Variants in RBX1 observed in about 807,000 individuals in gnomAD.
RBX1 encodes ring-box 1.
For synonymous variants in RBX1, 48 were observed against 47.9 expected (o/e 1.00, Z -0.01); for missense variants, 46 against 141.4 (o/e 0.33, Z 3.42).
intron 3 of RBX1, among the ~76,000 whole-genome samples, chr22:40,964,637 A>G (rs2058349245): frequency 6.6e-6 from 1 of 152,232 alleles, no homozygotes; most frequent in Admixed American, 6.5e-5. Context: ...AGAGTGTGAC[A>G]GCTGTGAAGG....
intron 4 of RBX1, 34 bp from the exon 5 acceptor site, chr22:40,972,442 G>A: frequency 1.3e-6 from 2 of 1,577,038 alleles, no homozygotes; most frequent in Non-Finnish European, 1.7e-6. Flanking sequence ...AAATTATCTT[G>A]GAATTAATCA....
At chr22:40,961,506 C>T (rs1335600584) in intron 2 of RBX1, among the ~76,000 whole-genome samples, 6 of 150,138 alleles carry the variant, frequency 4.0e-5, no homozygotes, top group East Asian at 2.0e-4. Context: ...CTCCGCCTCC[C>T]GGGTTCACAC....
intron 3 of RBX1, chr22:40,967,451 G>A: frequency 5.8e-6 from 1 of 171,982 alleles, no homozygotes; most frequent in Non-Finnish European, 1.3e-5. Flanking sequence ...ATTGATGAGG[G>A]GCCTCCTTTC....
rs756774693 is a variant in RBX1 at position 40,951,446 on chromosome 22, C to A, written c.48C>A (p.Gly16=). Residue 16 remains glycine (G), a synonymous_variant, in exon 1 of 5, where the codon GGC becomes GGA. Coordinates refer to ENST00000216225, the MANE Select transcript of RBX1 (RefSeq NM_014248.4). ...DVDTPSGTNS[G]AGKKRFEVKK... is the part of the protein sequence containing the mutation. The stretch of plus-strand genomic sequence containing the variant: ...ATACCCCGAGCGGCACCAACAGCGG[C>A]GCGGGCAAGAAGCGCTTTGAAGTGA... 1 of 1,613,526 alleles carries A rather than the reference C, an allele frequency of 6.2e-7. No individual in the cohort carries two copies. The highest frequency in any genetic ancestry group is 1.3e-5 in the African/African-American group (1 of 74,950).
chr22:40,955,626 T>C (rs1331162519), intron 2 of RBX1, among the ~76,000 whole-genome samples: 2 of 152,250 alleles, frequency 1.3e-5, no homozygotes, highest in African/African-American at 4.8e-5. Flanking sequence ...AAGTGCTCAG[T>C]AGTCACATGT....
intron 2 of RBX1, among the ~76,000 whole-genome samples, chr22:40,955,779 T>C (rs1436285292): frequency 6.6e-6 from 1 of 152,220 alleles, no homozygotes; most frequent in African/African-American, 2.4e-5. Context: ...CTTATACTGG[T>C]CATGTATTGC....
intron 2 of RBX1, among the ~76,000 whole-genome samples, chr22:40,960,065 G>A (rs1292121421): frequency 1.3e-5 from 2 of 152,020 alleles, no homozygotes; most frequent in East Asian, 1.9e-4. Context: ...TTGCAGTGTG[G>A]AGATTGTGCC....
chr22:40,967,858 G>A lies in RBX1; in HGVS notation c.288G>A (p.Leu96=), dbSNP rs1396037011. 2 of 1,613,476 alleles carry A rather than the reference G, an allele frequency of 1.2e-6. No individual in the cohort carries two copies. The highest frequency in any genetic ancestry group is 8.5e-7 in the Non-Finnish European group (1 of 1,179,614). ...RWLKTRQVCP[L]DNREWEFQKY... ...TCAAAACACGACAGGTGTGTCCATT[G>A]GACAACAGAGAGTGGGAATTCCAAA... is the stretch of plus-strand genomic sequence containing the variant. The change falls in exon 4 of 5, where the codon TTG becomes TTA. Residue 96 remains leucine (L), a synonymous_variant. Transcript: ENST00000216225.
At chr22:40,956,794 G>A (rs946631054) in intron 2 of RBX1, among the ~76,000 whole-genome samples, 1 of 151,904 alleles carries the variant, frequency 6.6e-6, no homozygotes, top group African/African-American at 2.4e-5. Context: ...CCAGCACTTT[G>A]GGAGGCCAAG....
chr22:40,959,337 C>T (rs868382540), intron 2 of RBX1, among the ~76,000 whole-genome samples: 1 of 152,220 alleles, frequency 6.6e-6, no homozygotes, highest in Non-Finnish European at 1.5e-5. Context: ...CCCGTTTAAA[C>T]TAACTGGACT....
At chr22:40,964,359 A>C in intron 3 of RBX1, 1 of 376,644 alleles carries the variant, frequency 2.7e-6, no homozygotes, top group Non-Finnish European at 4.9e-6. Flanking sequence ...TTTTGTTAGC[A>C]GTATTTTGGG....
At chr22:40,970,730 T>A (rs2058366900) in intron 4 of RBX1, among the ~76,000 whole-genome samples, 1 of 151,530 alleles carries the variant, frequency 6.6e-6, no homozygotes, top group South Asian at 2.1e-4. Flanking sequence ...ATTAGGCTAT[T>A]CTTGGGTTTA....
intron 4 of RBX1, among the ~76,000 whole-genome samples, chr22:40,968,113 C>T (rs1424632233): frequency 2.7e-5 from 3 of 112,198 alleles, no homozygotes; most frequent in Admixed American, 1.2e-4. Flanking sequence ...TTTTTTGAGA[C>T]GGAGTCTCGC....
intron 3 of RBX1, among the ~76,000 whole-genome samples, chr22:40,965,746 C>T (rs971458926): frequency 3.3e-5 from 5 of 152,204 alleles, no homozygotes; most frequent in African/African-American, 4.8e-5. Context: ...CCAGCCCCTA[C>T]CCGCACTTTC....
chr22:40,968,875 T>C (rs2058361054), intron 4 of RBX1, among the ~76,000 whole-genome samples: 2 of 151,950 alleles, frequency 1.3e-5, no homozygotes, highest in Admixed American at 1.3e-4. Context: ...ATTTTGTACA[T>C]TTTGGAGATT....
intron 2 of RBX1, among the ~76,000 whole-genome samples, chr22:40,961,075 C>G (rs933592341): frequency 2.8e-5 from 4 of 143,830 alleles, no homozygotes; most frequent in Admixed American, 1.4e-4. Flanking sequence ...AGCCACCGTG[C>G]CTGGCCTTTT....
chr22:40,963,670 G>C lies in RBX1; in HGVS notation c.158-377G>C, dbSNP rs2058346824. Among the ~76,000 whole-genome samples the C allele has an allele frequency of 2.0e-5, 3 of 152,034 alleles. No individual in the cohort carries two copies. The South Asian group carries it at 6.2e-4, about 32-fold the overall frequency. On this transcript the variant is annotated intron_variant, in intron 2 of 4. Coordinates refer to ENST00000216225, the MANE Select transcript of RBX1 (RefSeq NM_014248.4). Reference sequence around the variant, plus strand: ...AAAAACTCAGTCTAGGCAACATGGTGAAACTCCATCTCTACAAAAAATACA... The same window carrying C: ...AAAAACTCAGTCTAGGCAACATGGTCAAACTCCATCTCTACAAAAAATACA...
intron 1 of RBX1, among the ~76,000 whole-genome samples, 181 bp downstream of exon 1, chr22:40,951,657 G>C (rs1243571900): frequency 2.6e-5 from 4 of 152,176 alleles, no homozygotes; most frequent in African/African-American, 9.7e-5. Flanking sequence ...GCGGCCCACT[G>C]TTGGGGGAAG....
chr22:40,960,261 G>T (rs1284257667), intron 2 of RBX1, among the ~76,000 whole-genome samples: 1 of 152,172 alleles, frequency 6.6e-6, no homozygotes, highest in African/African-American at 2.4e-5. Flanking sequence ...AGTTGAGGGG[G>T]AAGGAGGGAG....
Sources: allele counts gnomAD v4.1 joint callset (sites outside exome capture counted in the v4.1 genomes callset), GRCh38; gene constraint gnomAD v4.1.1; transcripts MANE v1.5; gene names NCBI Gene and HGNC (gene_info 2026-07-23, HGNC 2026-07-21).